The following EVI5 variants were observed in gnomAD, a reference collection of about 807,000 sequenced individuals.
EVI5 encodes the protein ecotropic viral integration site 5, also known as ecotropic viral integration site 5 protein homolog.
EVI5 carries 73 observed loss-of-function variants against 112.0 expected under a neutral mutation model. The observed-to-expected ratio is 0.65, with a 90% CI of 0.54 to 0.79. The LOEUF is 0.79. Among genes scored for constraint, EVI5 ranks in the 30% least tolerant of loss-of-function variants. The pLI, the probability that EVI5 is intolerant of heterozygous loss-of-function variation, is 0.00. For missense variants in EVI5, 900 were observed against 968.8 expected, an observed-to-expected ratio of 0.93 and a Z score of 0.94; for synonymous variants, 305 against 319.9, an observed-to-expected ratio of 0.95 and a Z score of 0.50.
intron 2 of EVI5, among the ~76,000 whole-genome samples, chr1:92,712,144 C>G (rs1467468418): frequency 6.6e-6 from 1 of 152,166 alleles, no homozygotes. Context: ...AGCAAAACTA[C>G]ATGCCTAACC....
intron 19 of EVI5, among the ~76,000 whole-genome samples, chr1:92,516,790 C>T (rs1400173438): frequency 6.6e-6 from 1 of 151,954 alleles, no homozygotes; most frequent in Non-Finnish European, 1.5e-5. Flanking sequence ...TGATATACTG[C>T]TTATCCTTAT....
chr1:92,769,613 C>A (rs1393571491), intron 1 of EVI5, among the ~76,000 whole-genome samples: 2 of 152,112 alleles, frequency 1.3e-5, no homozygotes, highest in Non-Finnish European at 2.9e-5. Context: ...AGGCTGGGCA[C>A]GGTGGCTCAC....
rs1188389651 is a variant in EVI5 at position 92,569,526 on chromosome 1, T to C, written c.2071-5789A>G. On this transcript the variant is annotated intron_variant, in intron 18 of 19. Transcript: ENST00000684568. The stretch of plus-strand genomic sequence containing the variant: ...GTCCAATACCATTTACATGCGCTTA[T>C]GTCTGCCTCTTGTTTTTAATCACCC... Among the ~76,000 whole-genome samples, 3 of 152,194 alleles carry C rather than the reference T, an allele frequency of 2.0e-5. 1 individual carries two copies. Among genetic ancestry groups the C allele is most frequent in the Admixed American group, 2.0e-4 (3 of 15,286 alleles).
At chr1:92,570,427 TAG>T (rs1188234687) in intron 18 of EVI5, among the ~76,000 whole-genome samples, 5 of 152,130 alleles carry the variant, frequency 3.3e-5, no homozygotes, top group Non-Finnish European at 5.9e-5. Flanking sequence ...CTGGATGAGA[TAG>T]AAAGGTTAGA....
At position 92,703,466 on chromosome 1, in the gene EVI5, T is replaced by A; in HGVS notation, c.493A>T (p.Thr165Ser). 1 of 1,600,380 alleles carries A rather than the reference T, an allele frequency of 6.2e-7. No individual in the cohort carries two copies. The highest frequency in any genetic ancestry group is 8.5e-7 in the Non-Finnish European group (1 of 1,176,838). ...TTAAAAAAGTTGTGTTCAGGGTAAG[T>A]TCTAGCAATGTCCCTTCGGATCAAT... ...EKLIRRDIAR[T>S]YPEHNFFKEK... The change falls in exon 4 of 20, where the codon ACT (threonine) becomes TCT (serine). Residue 165 changes from threonine to serine, a missense_variant. Thr to Ser is a moderately conservative substitution (Grantham distance 58). Coordinates refer to ENST00000684568, the MANE Select transcript of EVI5 (RefSeq NM_001350197.2).
intron 2 of EVI5, among the ~76,000 whole-genome samples, chr1:92,736,154 A>G (rs1677396181): frequency 6.6e-6 from 1 of 152,004 alleles, no homozygotes; most frequent in African/African-American, 2.4e-5. Flanking sequence ...TAAAAAATTG[A>G]TAAAATTCAA....
At chr1:92,535,987 C>T (rs148833168) in intron 19 of EVI5, among the ~76,000 whole-genome samples, 1,925 of 152,218 alleles carry the variant, frequency 0.013, 48 homozygotes, top group African/African-American at 0.044. Flanking sequence ...AATAAGCAGA[C>T]AGATGGGAGT....
At chr1:92,555,798 C>T (rs529814118) in intron 19 of EVI5, among the ~76,000 whole-genome samples, 24 of 144,058 alleles carry the variant, frequency 1.7e-4, no homozygotes, top group East Asian at 2.1e-4. Context: ...TGCAGTGAGC[C>T]GAGACTGTGC....
chr1:92,757,375 G>A (rs1424521443), intron 1 of EVI5, among the ~76,000 whole-genome samples: 2 of 137,982 alleles, frequency 1.4e-5, no homozygotes, highest in Non-Finnish European at 1.5e-5. Flanking sequence ...CTTTTATGAT[G>A]TAAAGTACTA....
At chr1:92,577,451 G>A (rs1671252537) in intron 18 of EVI5, among the ~76,000 whole-genome samples, 1 of 152,200 alleles carries the variant, frequency 6.6e-6, no homozygotes, top group African/African-American at 2.4e-5. Context: ...GATGCTGCAG[G>A]GTAGCATCAG....
At chr1:92,635,488 A>C (rs1658593930) in intron 14 of EVI5, among the ~76,000 whole-genome samples, 1 of 152,180 alleles carries the variant, frequency 6.6e-6, no homozygotes, top group Admixed American at 6.5e-5. Context: ...CAGGCACAGG[A>C]CATAACCTCC....
At chr1:92,698,042 C>T in intron 5 of EVI5, 57 bp from the exon 6 acceptor site, 1 of 1,509,454 alleles carries the variant, frequency 6.6e-7, no homozygotes, top group South Asian at 1.2e-5. Flanking sequence ...CACAAATAAA[C>T]CAATGATATT....
At chr1:92,567,293 G>C (rs1196223668) in intron 18 of EVI5, among the ~76,000 whole-genome samples, 1 of 151,976 alleles carries the variant, frequency 6.6e-6, no homozygotes, top group East Asian at 1.9e-4. Flanking sequence ...ACTAAGCTAA[G>C]GTTAATTTAT....
chr1:92,592,238 G>A (rs142284991), intron 18 of EVI5, among the ~76,000 whole-genome samples: 4,047 of 152,066 alleles, frequency 0.027, 147 homozygotes, highest in African/African-American at 0.076. Context: ...GCGAGACTCC[G>A]TCTCAGAAAA....
chr1:92,762,573 A>C (rs1443135763), intron 1 of EVI5, among the ~76,000 whole-genome samples: 4 of 152,216 alleles, frequency 2.6e-5, no homozygotes, highest in African/African-American at 7.2e-5. Context: ...AAAAGTCAAA[A>C]CATAGCATAT....
chr1:92,594,871 C>T (rs1308272512), intron 18 of EVI5, among the ~76,000 whole-genome samples: 1 of 151,956 alleles, frequency 6.6e-6, no homozygotes, highest in African/African-American at 2.4e-5. Context: ...AATGAGATAC[C>T]ATCTCACACC....
chr1:92,688,317 G>C (rs978630926), intron 9 of EVI5, among the ~76,000 whole-genome samples: 2 of 152,074 alleles, frequency 1.3e-5, no homozygotes, highest in African/African-American at 4.8e-5. Context: ...CTCACTCATA[G>C]GTGGGAGCTG....
At chr1:92,549,946 A>C (rs568732004) in intron 19 of EVI5, among the ~76,000 whole-genome samples, 3 of 152,292 alleles carry the variant, frequency 2.0e-5, no homozygotes, top group East Asian at 1.9e-4. Flanking sequence ...TGTGGCGATT[A>C]CTCAAGGATC....
intron 19 of EVI5, among the ~76,000 whole-genome samples, chr1:92,554,282 T>G (rs1249687909): frequency 6.6e-6 from 1 of 152,216 alleles, no homozygotes; most frequent in African/African-American, 2.4e-5. Flanking sequence ...CTTATAGAAC[T>G]CCTACTATGT....
Sources: allele counts gnomAD v4.1 joint callset (sites outside exome capture counted in the v4.1 genomes callset), GRCh38; gene constraint gnomAD v4.1.1; transcripts MANE v1.5; gene names NCBI Gene and HGNC (gene_info 2026-07-23, HGNC 2026-07-21).